Variants in ZCWPW2 observed in about 807,000 individuals in gnomAD.
The protein encoded by ZCWPW2 is zinc finger CW-type and PWWP domain containing 2, also known as zinc finger CW-type PWWP domain protein 2.
Under a neutral mutation model 46.6 loss-of-function variants are expected in ZCWPW2, and 45 were observed. The ratio of observed to expected loss-of-function variants is 0.96; its 90% CI spans 0.76 to 1.24. The LOEUF is 1.24. Ranked by LOEUF, ZCWPW2 falls within the 50% of genes most tolerant of loss-of-function variation. The pLI, the probability that ZCWPW2 is intolerant of heterozygous loss-of-function variation, is 0.00. For synonymous variants in ZCWPW2, 152 were observed against 137.1 expected (o/e 1.11, Z -0.76); for missense variants, 429 against 403.9 (o/e 1.06, Z -0.53).
At chr3:28,517,051 A>T (rs1575231469) in intron 8 of ZCWPW2, among the ~76,000 whole-genome samples, 1 of 152,204 alleles carries the variant, frequency 6.6e-6, no homozygotes, top group Non-Finnish European at 1.5e-5. Context: ...TCCAGAATGT[A>T]AAGTAGGAAA....
chr3:28,412,654 G>A (rs1312255605), intron 2 of ZCWPW2, among the ~76,000 whole-genome samples: 2 of 151,974 alleles, frequency 1.3e-5, no homozygotes, highest in East Asian at 3.9e-4. Context: ...AAGACTATAT[G>A]AGCCATGTGT....
At position 28,492,182 on chromosome 3, in the gene ZCWPW2, G is replaced by A. The variant is rs747478008; in HGVS notation, c.657+9G>A. On this transcript the variant is annotated intron_variant, in intron 6 of 9. Transcript: ENST00000383768. ...CACTGGTCAAGAAAAGGGTAAGATT[G>A]TGTTTTATTATATAAAATATACAAA... 83 of 1,597,186 alleles carry A rather than the reference G, an allele frequency of 5.2e-5. No individual in the cohort carries two copies. Among genetic ancestry groups the A allele is most frequent in the East Asian group, 6.8e-5 (3 of 43,890 alleles).
chr3:28,524,656 A>G lies in ZCWPW2; in HGVS notation c.1039A>G (p.Lys347Glu), dbSNP rs767591388. ...TATTGAGGATATAACTAATAAATTTAAAGAAATAGATGCTTTGATGTCTGA... is the reference window on the plus strand; with the variant it reads ...TATTGAGGATATAACTAATAAATTTGAAGAAATAGATGCTTTGATGTCTGA... Reference protein sequence around the residue: ...ECIEDITNKFKEIDALMSEF With the variant: ...ECIEDITNKFEEIDALMSEF The change falls in exon 10 of 10, where the codon AAA becomes GAA. Residue 347 changes from lysine to glutamate, a missense_variant. Transcript: ENST00000383768. 1.9e-6 allele frequency: 3 copies of G among 1,571,764 alleles called. No homozygotes were observed. The highest frequency in any genetic ancestry group is 2.6e-6 in the Non-Finnish European group (3 of 1,158,600).
chr3:28,395,970 A>G (rs1695681390), intron 2 of ZCWPW2, among the ~76,000 whole-genome samples: 1 of 152,184 alleles, frequency 6.6e-6, no homozygotes, highest in Non-Finnish European at 1.5e-5. Context: ...TTTGCAATGT[A>G]TCTATGTCAA....
At chr3:28,457,079 C>T (rs1698455429) in intron 4 of ZCWPW2, among the ~76,000 whole-genome samples, 1 of 152,136 alleles carries the variant, frequency 6.6e-6, no homozygotes, top group East Asian at 1.9e-4. Context: ...TGCCCTCTAT[C>T]TTTCCTTTAA....
intron 4 of ZCWPW2, among the ~76,000 whole-genome samples, chr3:28,470,580 T>A (rs1321220741): frequency 6.7e-6 from 1 of 148,840 alleles, no homozygotes; most frequent in African/African-American, 2.5e-5. Context: ...ACCTATGAGA[T>A]ACAGTAAACA....
chr3:28,421,802 A>T (rs1207549522), intron 3 of ZCWPW2, among the ~76,000 whole-genome samples: 1 of 146,706 alleles, frequency 6.8e-6, no homozygotes, highest in Non-Finnish European at 1.5e-5. Flanking sequence ...AATGTGCTTC[A>T]TCTTGTTGAG....
chr3:28,361,406 A>G (rs1704938929), intron 1 of ZCWPW2, among the ~76,000 whole-genome samples: 1 of 152,214 alleles, frequency 6.6e-6, no homozygotes, highest in South Asian at 2.1e-4. Context: ...GCATATGAAA[A>G]AATATAAGGA....
intron 1 of ZCWPW2, among the ~76,000 whole-genome samples, chr3:28,366,678 C>G (rs1189995992): frequency 6.6e-6 from 1 of 151,660 alleles, no homozygotes; most frequent in African/African-American, 2.4e-5. Flanking sequence ...AGGGAGGATT[C>G]CCTCTTTTTC....
intron 4 of ZCWPW2, among the ~76,000 whole-genome samples, chr3:28,473,040 C>T (rs1245732221): frequency 1.3e-5 from 2 of 152,112 alleles, no homozygotes; most frequent in Non-Finnish European, 2.9e-5. Context: ...TATTATTTTA[C>T]CCCAGTTAAA....
At chr3:28,484,721 T>TCTTCCTTCTTTCCTTCCTTC (rs1699538376) in intron 5 of ZCWPW2, among the ~76,000 whole-genome samples, 1 of 150,356 alleles carries the variant, frequency 6.7e-6, no homozygotes, top group Non-Finnish European at 1.5e-5. Context: ...TCCCTTCCTT[T>TCTTCCTTCTTTCCTTCCTTC]CTTCCTTCTT....
At chr3:28,369,229 G>A (rs915551273) in intron 1 of ZCWPW2, among the ~76,000 whole-genome samples, 2 of 152,180 alleles carry the variant, frequency 1.3e-5, no homozygotes, top group African/African-American at 4.8e-5. Context: ...GAGGAGGAGA[G>A]GCACTTGATT....
chr3:28,388,637 T>G (rs907786409), intron 1 of ZCWPW2, among the ~76,000 whole-genome samples: 2 of 152,150 alleles, frequency 1.3e-5, no homozygotes, highest in Non-Finnish European at 2.9e-5. Context: ...ATATTTGGCT[T>G]ATACTCACAT....
At chr3:28,446,637 C>G (rs1698000823) in intron 4 of ZCWPW2, among the ~76,000 whole-genome samples, 1 of 151,210 alleles carries the variant, frequency 6.6e-6, no homozygotes. Flanking sequence ...AAACTAAATC[C>G]AAAGCTACTA....
intron 1 of ZCWPW2, among the ~76,000 whole-genome samples, chr3:28,367,356 G>T (rs547259474): frequency 6.6e-6 from 1 of 152,084 alleles, no homozygotes. Flanking sequence ...CTTTGTTCTC[G>T]TTTGTTTCAA....
At chr3:28,491,735 T>G (rs900900633) in intron 5 of ZCWPW2, among the ~76,000 whole-genome samples, 6 of 152,186 alleles carry the variant, frequency 3.9e-5, no homozygotes, top group African/African-American at 1.4e-4. Context: ...ATAAAGTCCT[T>G]GTCCCATGTC....
chr3:28,481,519 A>T (rs1699429284), intron 5 of ZCWPW2, among the ~76,000 whole-genome samples: 1 of 152,208 alleles, frequency 6.6e-6, no homozygotes, highest in Admixed American at 6.5e-5. Flanking sequence ...CTGGGATCAC[A>T]GGTGTGAGAT....
chr3:28,472,765 C>T lies in ZCWPW2; in HGVS notation c.493-6049C>T, dbSNP rs565815544. The stretch of plus-strand genomic sequence containing the variant: ...AAAAACTTCTGCACAACAAAGGAAA[C>T]AATCAACAAAGTGAAGAGACAACCC... On this transcript the variant is annotated intron_variant, in intron 4 of 9. Coordinates refer to ENST00000383768, the MANE Select transcript of ZCWPW2 (RefSeq NM_001040432.4). Among the ~76,000 whole-genome samples the T allele has an allele frequency of 1.2e-3, 175 of 151,940 alleles. 2 individuals are homozygous for T. The highest frequency in any genetic ancestry group is 1.8e-3 in the Non-Finnish European group (121 of 67,934).
At chr3:28,429,741 G>T (rs114506690) in intron 3 of ZCWPW2, among the ~76,000 whole-genome samples, 2 of 152,088 alleles carry the variant, frequency 1.3e-5, no homozygotes, top group Non-Finnish European at 2.9e-5. Context: ...TTGTGTAGTC[G>T]TGGGACTTGG....
Sources: gnomAD v4.1 joint callset for allele counts (sites outside exome capture counted in the v4.1 genomes callset) on GRCh38, gnomAD v4.1.1 for gene constraint, MANE v1.5 for transcripts, NCBI Gene and HGNC (gene_info 2026-07-23, HGNC 2026-07-21) for gene names.